The following WDR53 variants were observed in gnomAD, a reference collection of about 807,000 sequenced individuals.
WDR53 encodes the protein WD repeat domain 53.
A neutral mutation model predicts 21.3 loss-of-function variants in WDR53; 19 were observed. That is an observed-to-expected ratio of 0.89 (90% CI 0.62 to 1.31). WDR53 has a LOEUF of 1.31. WDR53 is among the 50% of genes most tolerant of loss of function. The pLI is 0.00. For missense variants in WDR53, 374 were observed against 423.2 expected (o/e 0.88, Z 1.02); for synonymous variants, 157 against 163.4 (o/e 0.96, Z 0.30).
At position 196,561,049 on chromosome 3, in the gene WDR53, C is replaced by T. The variant is rs1734790732; in HGVS notation, c.427G>A (p.Ala143Thr). 6 of 1,614,074 alleles carry T rather than the reference C, an allele frequency of 3.7e-6. No homozygotes were observed. In the Admixed American group the frequency reaches 6.7e-5, roughly 18 times the overall value. Reference protein sequence around the residue: ...KRHSNICSSVAFRPQRPQSLV... With the variant: ...KRHSNICSSVTFRPQRPQSLV... Reference sequence around the variant, plus strand: ...CTCTGAGGCCTCTGAGGCCGAAAAGCCACTGAGGAGCAGATATTGGAATGT... The same window carrying T: ...CTCTGAGGCCTCTGAGGCCGAAAAGTCACTGAGGAGCAGATATTGGAATGT... Residue 143 changes from alanine (A) to threonine (T), a missense_variant, in exon 3 of 4, where the codon GCT becomes ACT. Ala to Thr is a moderately conservative substitution (Grantham distance 58, BLOSUM62 0). Coordinates refer to ENST00000332629, the MANE Select transcript of WDR53 (RefSeq NM_182627.3).
chr3:196,555,544 A>G (rs1002291370), intron 3 of WDR53, among the ~76,000 whole-genome samples: 1 of 152,176 alleles, frequency 6.6e-6, no homozygotes, highest in African/African-American at 2.4e-5. Context: ...TTTTTTTTAA[A>G]TAAGCTTTGT....
rs1380077851 is a variant in WDR53, at chr3:196,561,293, G to A, written c.183C>T (p.Pro61=). The stretch of plus-strand genomic sequence containing the variant: ...AGGCATAGAGCTTGGTGGGACAGGA[G>A]GGAGAAAATAAGACACTGGTAACAT... ...ADDVTSVLFS[P]SCPTKLYASH... The change falls in exon 3 of 4, where the codon CCC becomes CCT. Residue 61 remains proline (P), a synonymous_variant. Transcript: ENST00000332629. The A allele has an allele frequency of 1.7e-5, 27 of 1,614,066 alleles. No individual in the cohort carries two copies. The highest frequency in any genetic ancestry group is 2.3e-5 in the Non-Finnish European group (27 of 1,180,042).
At chr3:196,565,639 T>C (rs1215395298) in intron 2 of WDR53, among the ~76,000 whole-genome samples, 2 of 152,130 alleles carry the variant, frequency 1.3e-5, no homozygotes, top group Non-Finnish European at 2.9e-5. Context: ...TCAATCAAGA[T>C]TTATTATGCA....
intron 2 of WDR53, among the ~76,000 whole-genome samples, chr3:196,564,550 ATGAGGTTTCCCC>A (rs1735200650): frequency 6.6e-6 from 1 of 151,196 alleles, no homozygotes; most frequent in Non-Finnish European, 1.5e-5. Context: ...TTTTGTAGAG[ATGAGGTTTCCCC>A]ACATTCCCCA....
chr3:196,566,182 G>C (rs74781785), intron 2 of WDR53, among the ~76,000 whole-genome samples: 2 of 151,454 alleles, frequency 1.3e-5, no homozygotes, highest in African/African-American at 4.9e-5. Flanking sequence ...TTCCACCTTC[G>C]GGGCTCAAGT....
intron 3 of WDR53, among the ~76,000 whole-genome samples, chr3:196,559,526 TTA>T (rs1217096114): frequency 6.6e-6 from 1 of 152,070 alleles, no homozygotes; most frequent in African/African-American, 2.4e-5. Flanking sequence ...CATTCTTCAG[TTA>T]TGAGGGGTAT....
chr3:196,568,167 G>GGGGGT (rs1182114306), intron 1 of WDR53, among the ~76,000 whole-genome samples: 1 of 152,164 alleles, frequency 6.6e-6, no homozygotes, highest in Non-Finnish European at 1.5e-5. Flanking sequence ...GTTTGGGCGA[G>GGGGGT]GGGGTGTTCA....
chr3:196,561,502 G>A lies in WDR53; in HGVS notation c.-16-11C>T. ...ATGGTCCCGGAGACTCTGTGAAGTG[G>A]GGGAAACAACTGTAATCTCATGTTT... On this transcript the variant is annotated splice_polypyrimidine_tract_variant and intron_variant, in intron 2 of 3. Coordinates refer to ENST00000332629, the MANE Select transcript of WDR53 (RefSeq NM_182627.3). 6.3e-7 allele frequency: 1 copy of A among 1,584,626 alleles called. No homozygotes were observed. The highest frequency in any genetic ancestry group is 2.2e-5 in the East Asian group (1 of 44,558).
At chr3:196,560,775 G>A (rs947695193) in intron 3 of WDR53, among the ~76,000 whole-genome samples, 1 of 152,166 alleles carries the variant, frequency 6.6e-6, no homozygotes, top group Non-Finnish European at 1.5e-5. Context: ...GTATCTTACA[G>A]TATAGAGAAA....
chr3:196,564,829 T>G lies in WDR53; in HGVS notation c.-17+2048A>C, dbSNP rs1577579842. 3.3e-5 allele frequency among the ~76,000 whole-genome samples: 5 copies of G among 152,322 alleles called. No individual in the cohort carries two copies. The South Asian group carries it at 1.0e-3, about 32-fold the overall frequency. On this transcript the variant is annotated intron_variant, in intron 2 of 3. Transcript: ENST00000332629. The stretch of plus-strand genomic sequence containing the variant: ...TGGATCCCAGCTGGGATTTTAGGTT[T>G]TCTCTGAAACAAGAATGAGGCAAGG...
chr3:196,560,893 G>C, intron 3 of WDR53, 103 bp downstream of exon 3: 15 of 1,425,924 alleles, frequency 1.1e-5, no homozygotes, highest in Non-Finnish European at 1.4e-5. Context: ...GGATATGTTA[G>C]TAGAAAACAG....
rs1273847048 is a variant in WDR53, at chr3:196,567,143, C to T, written c.-283G>A. Reference sequence around the variant, plus strand: ...ATGATCCCTTTCTCAGATGGATCAACTCTGCTTATCCTTGAAGACTTCAAA... The same window carrying T: ...ATGATCCCTTTCTCAGATGGATCAATTCTGCTTATCCTTGAAGACTTCAAA... On this transcript the variant is annotated 5_prime_UTR_variant, in exon 2 of 4. Coordinates refer to ENST00000332629, the MANE Select transcript of WDR53 (RefSeq NM_182627.3). 2.8e-5 allele frequency: 13 copies of T among 456,934 alleles called. No homozygotes were observed. The highest frequency in any genetic ancestry group is 1.9e-4 in the South Asian group (12 of 64,574). The allele number at this position is 456,934 out of a possible 1,614,324, so 28.3% of individuals were successfully genotyped here. A position where few individuals can be genotyped will look rare whatever the true frequency, so the allele number is the denominator to read the frequency against.
At chr3:196,562,629 C>CT (rs1734994616) in intron 2 of WDR53, among the ~76,000 whole-genome samples, 1 of 152,198 alleles carries the variant, frequency 6.6e-6, no homozygotes, top group Non-Finnish European at 1.5e-5. Context: ...CTGTATTAAA[C>CT]TAATGACCAC....
chr3:196,559,869 TCA>T (rs1734658588), intron 3 of WDR53, among the ~76,000 whole-genome samples: 1 of 152,048 alleles, frequency 6.6e-6, no homozygotes, highest in Non-Finnish European at 1.5e-5. Flanking sequence ...CATGTGAATT[TCA>T]GTTTCTTTAT....
chr3:196,554,518 A>C lies in WDR53; in HGVS notation c.770T>G (p.Leu257Arg), dbSNP rs1734147083. The C allele has an allele frequency of 1.2e-6, 2 of 1,613,988 alleles. No homozygotes were observed. The highest frequency in any genetic ancestry group is 1.7e-6 in the Non-Finnish European group (2 of 1,180,016). Residue 257 changes from leucine to arginine, a missense_variant, in exon 4 of 4, where the codon CTT becomes CGT. Coordinates refer to ENST00000332629, the MANE Select transcript of WDR53 (RefSeq NM_182627.3). ...VCFLPESYLL[L>R]TGGNDGKITL... ...GATCTTCCCATCATTCCCTCCAGTAAGCAGCAAATAGGATTCTGGGAGAAA... is the reference window on the plus strand; with the variant it reads ...GATCTTCCCATCATTCCCTCCAGTACGCAGCAAATAGGATTCTGGGAGAAA...
Position 196,560,970 on chromosome 3 carries a change from C to A in WDR53, c.480+26G>T. The A allele has an allele frequency of 1.9e-6, 3 of 1,576,476 alleles. No homozygotes were observed. The South Asian group carries it at 3.5e-5, about 18-fold the overall frequency. ...TTAGCAAATCCCACTTAGAAATTCC[C>A]CAAGTACTCTGTGCAAAAGCATCAC... On this transcript the variant is annotated intron_variant, in intron 3 of 3. Coordinates refer to ENST00000332629, the MANE Select transcript of WDR53 (RefSeq NM_182627.3).
At chr3:196,567,896 G>A (rs1442613487) in intron 1 of WDR53, among the ~76,000 whole-genome samples, 1 of 152,004 alleles carries the variant, frequency 6.6e-6, no homozygotes, top group Admixed American at 6.6e-5. Context: ...GACCAGAGGC[G>A]CACGCCACCA....
chr3:196,555,991 T>C (rs1419516918), intron 3 of WDR53, among the ~76,000 whole-genome samples: 1 of 152,104 alleles, frequency 6.6e-6, no homozygotes, highest in Admixed American at 6.6e-5. Flanking sequence ...TAAGCTAAAG[T>C]AAAATAAATA....
chr3:196,556,349 C>G lies in WDR53; in HGVS notation c.481-1542G>C, dbSNP rs115336344. On this transcript the variant is annotated intron_variant, in intron 3 of 3. Transcript: ENST00000332629. Reference sequence around the variant, plus strand: ...ACGCATCAGCCACAATGCCCCAAAACAGTTTCTATTAAAAAATCTGAACAC... The same window carrying G: ...ACGCATCAGCCACAATGCCCCAAAAGAGTTTCTATTAAAAAATCTGAACAC... Among the ~76,000 whole-genome samples, 270 of 152,220 alleles carry G rather than the reference C, an allele frequency of 1.8e-3. 4 individuals carry two copies. Among genetic ancestry groups the G allele is most frequent in the South Asian group, 4.1e-3 (20 of 4,830 alleles).
Sources: allele counts gnomAD v4.1 joint callset (sites outside exome capture counted in the v4.1 genomes callset), GRCh38; gene constraint gnomAD v4.1.1; transcripts MANE v1.5; gene names NCBI Gene and HGNC (gene_info 2026-07-23, HGNC 2026-07-21).